The following SBF2 variants were observed in gnomAD, a reference collection of about 807,000 sequenced individuals.
The protein encoded by SBF2 is myotubularin-related protein 13.
A neutral mutation model predicts 225.2 loss-of-function variants in SBF2; 112 were observed. That is an observed-to-expected ratio of 0.50 (90% CI 0.43 to 0.58). The LOEUF (loss-of-function observed/expected upper bound fraction) is 0.58. SBF2 is among the 20% of genes least tolerant of loss of function. The pLI, the probability that SBF2 is intolerant of heterozygous loss-of-function variation, is 0.00. For synonymous variants in SBF2, 763 were observed against 773.3 expected, an observed-to-expected ratio of 0.99 and a Z score of 0.22; for missense variants, 1,996 against 2,206.2, an observed-to-expected ratio of 0.90 and a Z score of 1.91.
chr11:9,782,967 T>TATACATGG (rs1274480949), intron 38 of SBF2: 1 of 152,148 alleles, frequency 6.6e-6, no homozygotes, highest in Non-Finnish European at 1.5e-5. Flanking sequence ...CACTCTCTAG[T>TATACATGG]ATACATGGCA....
intron 26 of SBF2, among the ~76,000 whole-genome samples, chr11:9,833,017 T>C (rs150810558): frequency 3.3e-5 from 5 of 152,376 alleles, no homozygotes; most frequent in African/African-American, 9.6e-5. Flanking sequence ...ACCAGATTAA[T>C]GTCAACTTTA....
chr11:10,222,726 C>T (rs1013527743), intron 1 of SBF2, among the ~76,000 whole-genome samples: 1 of 152,150 alleles, frequency 6.6e-6, no homozygotes, highest in Non-Finnish European at 1.5e-5. Flanking sequence ...TTAAAATACA[C>T]TCATTAATTC....
chr11:10,196,117 G>T (rs1269715632), intron 1 of SBF2, among the ~76,000 whole-genome samples: 1 of 152,202 alleles, frequency 6.6e-6, no homozygotes, highest in African/African-American at 2.4e-5. Flanking sequence ...TGGAAGAAAT[G>T]ACAGCAAGCT....
At position 10,288,333 on chromosome 11, in the gene SBF2, T is replaced by C. The variant is rs921543618; in HGVS notation, c.55+5682A>G. ...GGGTGAGCAAGACAAAGAGGAACTTTACTGAGCAATAGAACAGCTCAAAGA... is the reference window on the plus strand; with the variant it reads ...GGGTGAGCAAGACAAAGAGGAACTTCACTGAGCAATAGAACAGCTCAAAGA... On this transcript the variant is annotated intron_variant, in intron 1 of 39. Transcript: ENST00000256190. Among the ~76,000 whole-genome samples the C allele has an allele frequency of 3.3e-5, 5 of 152,186 alleles. No homozygotes were observed. The East Asian group carries it at 5.8e-4, about 18-fold the overall frequency.
chr11:10,225,605 C>T (rs1958508504), intron 1 of SBF2, among the ~76,000 whole-genome samples: 1 of 152,044 alleles, frequency 6.6e-6, no homozygotes, highest in Non-Finnish European at 1.5e-5. Flanking sequence ...CTAGATGACA[C>T]ACCATTTTCA....
intron 12 of SBF2, among the ~76,000 whole-genome samples, chr11:9,991,270 T>C (rs1487094680): frequency 6.6e-6 from 1 of 152,240 alleles, no homozygotes; most frequent in African/African-American, 2.4e-5. Context: ...TAAATCTTCA[T>C]ATGCTTTGTG....
At chr11:9,937,517 T>G (rs1411893851) in intron 16 of SBF2, among the ~76,000 whole-genome samples, 1 of 152,158 alleles carries the variant, frequency 6.6e-6, no homozygotes, top group South Asian at 2.1e-4. Flanking sequence ...TAAAAAATAA[T>G]TATCCTAAAT....
At chr11:10,143,379 T>C (rs988390909) in intron 2 of SBF2, among the ~76,000 whole-genome samples, 1 of 152,020 alleles carries the variant, frequency 6.6e-6, no homozygotes, top group Non-Finnish European at 1.5e-5. Flanking sequence ...ACCATGTTGG[T>C]CAGGCTGGTC....
intron 16 of SBF2, among the ~76,000 whole-genome samples, chr11:9,921,441 C>T (rs922087925): frequency 6.6e-6 from 1 of 152,124 alleles, no homozygotes; most frequent in African/African-American, 2.4e-5. Context: ...TGGGTGTGGC[C>T]ACAGCGACCT....
chr11:9,835,631 CAA>C (rs58436467), intron 26 of SBF2, among the ~76,000 whole-genome samples: 11 of 62,126 alleles, frequency 1.8e-4, no homozygotes, highest in Admixed American at 4.2e-4. Flanking sequence ...GACCTTGTCT[CAA>C]AAAAAAAAAA....
chr11:9,878,102 G>GA, intron 17 of SBF2, among the ~76,000 whole-genome samples: 1 of 152,304 alleles, frequency 6.6e-6, no homozygotes, highest in East Asian at 1.9e-4. Context: ...ACTGGCATGA[G>GA]ATGGTATCTC....
chr11:9,802,112 C>T (rs1853526174), intron 32 of SBF2, among the ~76,000 whole-genome samples: 4 of 152,184 alleles, frequency 2.6e-5, no homozygotes, highest in Admixed American at 2.6e-4. Context: ...GGGATGCTTT[C>T]TTCACGTTTT....
chr11:10,120,543 T>C (rs1399359849), intron 2 of SBF2, among the ~76,000 whole-genome samples: 2 of 152,234 alleles, frequency 1.3e-5, no homozygotes, highest in Admixed American at 6.5e-5. Context: ...GGCTGTACCA[T>C]GTTACATTCC....
At chr11:9,803,897 A>G (rs1167317325) in intron 32 of SBF2, among the ~76,000 whole-genome samples, 2 of 152,114 alleles carry the variant, frequency 1.3e-5, no homozygotes, top group African/African-American at 4.8e-5. Flanking sequence ...AGGAGAAGCT[A>G]TACTGGGATT....
intron 19 of SBF2, among the ~76,000 whole-genome samples, chr11:9,856,020 G>C (rs1857289177): frequency 6.6e-6 from 1 of 152,196 alleles, no homozygotes; most frequent in Admixed American, 6.5e-5. Flanking sequence ...GGTAAACACT[G>C]GGTTTTAGTT....
chr11:10,020,169 T>C (rs968020437), intron 6 of SBF2, among the ~76,000 whole-genome samples: 32 of 152,030 alleles, frequency 2.1e-4, no homozygotes, highest in Non-Finnish European at 3.7e-4. Flanking sequence ...ATACCTGAAA[T>C]TGGTGATCGG....
intron 16 of SBF2, among the ~76,000 whole-genome samples, chr11:9,896,704 G>T (rs1408021430): frequency 1.3e-5 from 2 of 151,138 alleles, no homozygotes; most frequent in Non-Finnish European, 2.9e-5. Flanking sequence ...CAGGAGAATC[G>T]CTTGAACCCG....
At chr11:9,795,258 C>T (rs898510921) in intron 33 of SBF2, among the ~76,000 whole-genome samples, 13 of 152,146 alleles carry the variant, frequency 8.5e-5, no homozygotes, top group African/African-American at 1.2e-4. Context: ...GCTTACTATG[C>T]GCTAGTGATT....
chr11:10,119,271 C>T (rs1953319114), intron 2 of SBF2, among the ~76,000 whole-genome samples: 1 of 151,990 alleles, frequency 6.6e-6, no homozygotes, highest in Admixed American at 6.6e-5. Context: ...TTGTTTTTCC[C>T]ATGGACTATA....
Sources: allele counts gnomAD v4.1 joint callset (sites outside exome capture counted in the v4.1 genomes callset), GRCh38; gene constraint gnomAD v4.1.1; transcripts MANE v1.5; gene names NCBI Gene and HGNC (gene_info 2026-07-23, HGNC 2026-07-21).